The following MLST8 variants were observed in gnomAD, a reference collection of about 807,000 sequenced individuals.
The protein encoded by MLST8 is MTOR associated protein MLST8.
MLST8 carries 20 observed loss-of-function variants against 41.3 expected under a neutral mutation model. That is an observed-to-expected ratio of 0.48 (90% CI 0.34 to 0.70). The LOEUF is 0.70. Among genes scored for constraint, MLST8 ranks in the 30% least tolerant of loss-of-function variants. The probability of loss-of-function intolerance (pLI) is 0.01; values close to 1 mark genes in which losing one functional copy is unlikely to be tolerated. For synonymous variants in MLST8, 243 were observed against 183.0 expected, an observed-to-expected ratio of 1.33 and a Z score of -2.65; for missense variants, 422 against 454.3, an observed-to-expected ratio of 0.93 and a Z score of 0.65.
In MLST8 at chr16:2,208,350, G is replaced by C. The variant is rs375639537; in HGVS notation, c.698+16G>C. 2.1e-4 allele frequency: 345 copies of C among 1,604,692 alleles called. 2 individuals carry two copies. Among genetic ancestry groups the C allele is most frequent in the South Asian group, 1.1e-3 (98 of 90,856 alleles). The stretch of plus-strand genomic sequence containing the variant: ...CCGACTCCACGTGCGTGCAGGGCCT[G>C]CTGGCCCGGGAGGGGACCTGCCTGG... On this transcript the variant is annotated intron_variant, in intron 7 of 8. Coordinates refer to ENST00000569417, the MANE Select transcript of MLST8 (RefSeq NM_022372.6).
At position 2,208,891 on chromosome 16, in the gene MLST8, G is replaced by T. The variant is rs760883915; in HGVS notation, c.*14G>T. ...GTGCTGGGCTAGCCTGTGACCCCTC[G>T]GGACTGCCTGGTGCAGGTGGTGGCA... On this transcript the variant is annotated 3_prime_UTR_variant, in exon 9 of 9. Transcript: ENST00000569417. 4 of 1,611,998 alleles carry T rather than the reference G, an allele frequency of 2.5e-6. No individual in the cohort carries two copies. The Admixed American group carries it at 6.7e-5, about 27-fold the overall frequency.
At chr16:2,206,890 C>A in intron 4 of MLST8, 145 bp from the exon 5 acceptor site, 1 of 1,191,802 alleles carries the variant, frequency 8.4e-7, no homozygotes, top group African/African-American at 1.5e-5. Context: ...AGGCTCCCTG[C>A]TGGAGCAGAG....
At chr16:2,208,123 GC>G (rs1280430614) in intron 6 of MLST8, 86 bp from the exon 7 acceptor site, 6 of 1,482,932 alleles carry the variant, frequency 4.0e-6, no homozygotes, top group African/African-American at 2.8e-5. Context: ...TGCACAGTTG[GC>G]CCCCAGTGTT....
At chr16:2,205,971 G>C in intron 1 of MLST8, 60 bp from the exon 2 acceptor site, 2 of 1,474,040 alleles carry the variant, frequency 1.4e-6, no homozygotes, top group Non-Finnish European at 9.0e-7. Flanking sequence ...GCGCCTTGTG[G>C]GTCTATAATC....
rs750813077 is a variant in MLST8, at chr16:2,206,513, C to T, written c.198C>T (p.Arg66=). The T allele has an allele frequency of 2.5e-6, 4 of 1,611,306 alleles. No homozygotes were observed. In the African/African-American group the frequency reaches 4.0e-5, roughly 16 times the overall value. ...TGTCCCTAGGTTACCAGCACATCCG[C>T]ATGTATGATCTCAACTCCAATAACC... ...MIAAAGYQHI[R]MYDLNSNNPN... The change falls in exon 4 of 9, where the codon CGC becomes CGT. Residue 66 remains arginine (R), a synonymous_variant. Coordinates refer to ENST00000569417, the MANE Select transcript of MLST8 (RefSeq NM_022372.6).
Position 2,206,335 on chromosome 16 carries a change from G to C in MLST8, c.130-23G>C, listed in dbSNP as rs750080676. ...GCCCTGGCCTCAGGGCTACCTTCCC[G>C]TCATCCTCCTTAACAGTCCCAGCAG... On this transcript the variant is annotated intron_variant, in intron 2 of 8. Transcript: ENST00000569417. 1.4e-5 allele frequency: 22 copies of C among 1,613,270 alleles called. No individual in the cohort carries two copies. The Middle Eastern group carries it at 4.9e-4, about 36-fold the overall frequency.
chr16:2,206,435 C>T, intron 3 of MLST8, 26 bp downstream of exon 3: 5 of 1,614,060 alleles, frequency 3.1e-6, no homozygotes, highest in African/African-American at 1.3e-5. Flanking sequence ...GATCTCTAAA[C>T]TCCTGAGCTC....
Position 2,208,298 on chromosome 16 carries a change from G to A in MLST8, c.662G>A (p.Arg221His), listed in dbSNP as rs772517170. Residue 221 changes from arginine (R) to histidine (H), a missense_variant, in exon 7 of 9, where the codon CGC becomes CAC. By Grantham distance (29) the Arg-to-His change is conservative (BLOSUM62 0). Coordinates refer to ENST00000569417, the MANE Select transcript of MLST8 (RefSeq NM_022372.6). ...IPKTKIPAHT[R>H]YALQCRFSPD... ...AAGACTAAGATCCCTGCCCACACGC[G>A]CTACGCCCTGCAGTGTCGCTTCAGC... 1.4e-5 allele frequency: 22 copies of A among 1,612,882 alleles called. No homozygotes were observed. Among genetic ancestry groups the A allele is most frequent in the Non-Finnish European group, 1.8e-5 (21 of 1,179,288 alleles).
Position 2,206,015 on chromosome 16 carries a change from A to AAG in MLST8, c.-55-16_-55-15insAG. On this transcript the variant is annotated splice_polypyrimidine_tract_variant and intron_variant, in intron 1 of 8. Coordinates refer to ENST00000569417, the MANE Select transcript of MLST8 (RefSeq NM_022372.6). The stretch of plus-strand genomic sequence containing the variant: ...ACAGAGAGTGTCTTCTAAGTACTTC[A>AAG]CATCCTTCTCTGCAGATGCTCTGAC... 6.6e-7 allele frequency: 1 copy of AAG among 1,518,566 alleles called. No homozygotes were observed. Among genetic ancestry groups the AAG allele is most frequent in the East Asian group, 2.3e-5 (1 of 43,738 alleles). 94.1% of individuals were successfully genotyped at this position (1,518,566 alleles called of 1,614,324 possible).
chr16:2,206,928 A>G (rs1295346599), intron 4 of MLST8, 107 bp from the exon 5 acceptor site: 2 of 1,403,556 alleles, frequency 1.4e-6, no homozygotes, highest in East Asian at 4.6e-5. Context: ...ATTTCCCAAG[A>G]GGCAGGTCCT....
In MLST8 at chr16:2,209,276, C is replaced by G; in HGVS notation, c.*399C>G. On this transcript the variant is annotated 3_prime_UTR_variant, in exon 9 of 9. Coordinates refer to ENST00000569417, the MANE Select transcript of MLST8 (RefSeq NM_022372.6). Reference sequence around the variant, plus strand: ...TGGCCAGGTGGAAGGGTTTATTAGTCCCTGCCAGCAGCTGTCCTCCCTGGT... The same window carrying G: ...TGGCCAGGTGGAAGGGTTTATTAGTGCCTGCCAGCAGCTGTCCTCCCTGGT... The G allele has an allele frequency of 7.9e-7, 1 of 1,270,808 alleles. No homozygotes were observed. Among genetic ancestry groups the G allele is most frequent in the Non-Finnish European group, 1.1e-6 (1 of 893,308 alleles). 78.7% of individuals were successfully genotyped at this position (1,270,808 alleles called of 1,614,324 possible). A position where few individuals can be genotyped will look rare whatever the true frequency, so the allele number is the denominator to read the frequency against.
At position 2,209,318 on chromosome 16, in the gene MLST8, G is replaced by A. The variant is rs370223216; in HGVS notation, c.*441G>A. ...CTCCCTGGTGCAGGTGGCCTGGCCA[G>A]CCCACTGGATTGGGGACGGGCCAGG... is the stretch of plus-strand genomic sequence containing the variant. On this transcript the variant is annotated 3_prime_UTR_variant, in exon 9 of 9. Coordinates refer to ENST00000569417, the MANE Select transcript of MLST8 (RefSeq NM_022372.6). 2.1e-5 allele frequency: 33 copies of A among 1,568,944 alleles called. No individual in the cohort carries two copies. The Admixed American group carries it at 4.1e-4, about 19-fold the overall frequency.
chr16:2,209,191 G>A lies in MLST8; in HGVS notation c.*314G>A, dbSNP rs1596732925. Reference sequence around the variant, plus strand: ...CTGGTGCCCACCCCCAAGCTAGTGTGTTCTCTGCCCCTCCCTGCCCGCGTT... The same window carrying A: ...CTGGTGCCCACCCCCAAGCTAGTGTATTCTCTGCCCCTCCCTGCCCGCGTT... On this transcript the variant is annotated 3_prime_UTR_variant, in exon 9 of 9. Coordinates refer to ENST00000569417, the MANE Select transcript of MLST8 (RefSeq NM_022372.6). 1.3e-5 allele frequency: 9 copies of A among 702,744 alleles called. No individual in the cohort carries two copies. Among genetic ancestry groups the A allele is most frequent in the Admixed American group, 1.1e-4 (4 of 35,446 alleles). 43.5% of individuals were successfully genotyped at this position (702,744 alleles called of 1,614,324 possible). A position where few individuals can be genotyped will look rare whatever the true frequency, so the allele number is the denominator to read the frequency against.
rs1231700890 is a variant in MLST8, at chr16:2,208,625, C to G, written c.862+12C>G. On this transcript the variant is annotated intron_variant, in intron 8 of 8. Coordinates refer to ENST00000569417, the MANE Select transcript of MLST8 (RefSeq NM_022372.6). ...GTACATCGTCACTGGTGAGCCCCGC[C>G]CTGGCCTCCCCCATCCCTGGCCCCC... 1 of 1,611,880 alleles carries G rather than the reference C, an allele frequency of 6.2e-7. No homozygotes were observed. The highest frequency in any genetic ancestry group is 8.5e-7 in the Non-Finnish European group (1 of 1,179,374).
Position 2,209,300 on chromosome 16 carries a change from G to T in MLST8, c.*423G>T. Reference sequence around the variant, plus strand: ...TCCCTGCCAGCAGCTGTCCTCCCTGGTGCAGGTGGCCTGGCCAGCCCACTG... The same window carrying T: ...TCCCTGCCAGCAGCTGTCCTCCCTGTTGCAGGTGGCCTGGCCAGCCCACTG... On this transcript the variant is annotated 3_prime_UTR_variant, in exon 9 of 9. Transcript: ENST00000569417. 2 of 1,445,066 alleles carry T rather than the reference G, an allele frequency of 1.4e-6. No homozygotes were observed. The highest frequency in any genetic ancestry group is 1.9e-6 in the Non-Finnish European group (2 of 1,038,012). 89.5% of individuals were successfully genotyped at this position (1,445,066 alleles called of 1,614,324 possible).
chr16:2,205,855 G>A, intron 1 of MLST8, 176 bp from the exon 2 acceptor site: 1 of 1,306,344 alleles, frequency 7.7e-7, no homozygotes, highest in Non-Finnish European at 9.8e-7. Flanking sequence ...TGGAGCACGC[G>A]CCCTGGAGCC....
At chr16:2,205,910 C>T (rs1429342703) in intron 1 of MLST8, 121 bp from the exon 2 acceptor site, 4 of 1,440,534 alleles carry the variant, frequency 2.8e-6, no homozygotes, top group East Asian at 2.4e-5. Flanking sequence ...CTGAACCTAC[C>T]TGCGCTTCTT....
At position 2,208,623 on chromosome 16, in the gene MLST8, G is replaced by A. The variant is rs8044063; in HGVS notation, c.862+10G>A. On this transcript the variant is annotated intron_variant, in intron 8 of 8. Transcript: ENST00000569417. ...CAGTACATCGTCACTGGTGAGCCCC[G>A]CCCTGGCCTCCCCCATCCCTGGCCC... 2,004 of 1,611,770 alleles carry A rather than the reference G, an allele frequency of 1.2e-3. 26 individuals are homozygous for A. The African/African-American group carries it at 0.024, about 19-fold the overall frequency.
At position 2,208,788 on chromosome 16, in the gene MLST8, T is replaced by C; in HGVS notation, c.892T>C (p.Cys298Arg). 2 of 1,613,936 alleles carry C rather than the reference T, an allele frequency of 1.2e-6. No individual in the cohort carries two copies. Among genetic ancestry groups the C allele is most frequent in the Non-Finnish European group, 1.7e-6 (2 of 1,179,908 alleles). Residue 298 changes from cysteine (C) to arginine (R), a missense_variant, in exon 9 of 9, where the codon TGT (cysteine) becomes CGT (arginine). Transcript: ENST00000569417. ...ASSDNLARLW[C>R]VETGEIKREY... Reference sequence around the variant, plus strand: ...CTCGGACAACCTGGCCCGGCTCTGGTGTGTGGAGACTGGAGAGATCAAGAG... The same window carrying C: ...CTCGGACAACCTGGCCCGGCTCTGGCGTGTGGAGACTGGAGAGATCAAGAG...
Sources: allele counts gnomAD v4.1 joint callset, GRCh38; gene constraint gnomAD v4.1.1; transcripts MANE v1.5; gene names NCBI Gene and HGNC (gene_info 2026-07-23, HGNC 2026-07-21).